Variants in KCNIP4 observed in about 807,000 individuals in gnomAD.
KCNIP4 encodes the protein potassium voltage-gated channel interacting protein 4.
In KCNIP4, 12 loss-of-function variants were observed where a neutral mutation model predicts 34.0. The ratio of observed to expected loss-of-function variants is 0.35; its 90% CI spans 0.23 to 0.57. The LOEUF is 0.57. Among genes scored for constraint, KCNIP4 ranks in the 20% least tolerant of loss-of-function variants. KCNIP4 has a pLI of 0.83. For missense variants in KCNIP4, 238 were observed against 311.7 expected (o/e 0.76, Z 1.78); for synonymous variants, 124 against 102.2 (o/e 1.21, Z -1.29).
intron 1 of KCNIP4, among the ~76,000 whole-genome samples, chr4:21,212,535 T>A (rs886554250): frequency 2.0e-5 from 3 of 152,158 alleles, no homozygotes; most frequent in Non-Finnish European, 4.4e-5. Context: ...TCTGTTTGGA[T>A]TGCTACAATG....
chr4:21,657,841 A>ATTT (rs34034617), intron 1 of KCNIP4, among the ~76,000 whole-genome samples: 1 of 145,262 alleles, frequency 6.9e-6, no homozygotes, highest in Non-Finnish European at 1.5e-5. Context: ...TTTAAACATA[A>ATTT]TTTTTTTTTT....
chr4:21,473,176 G>T (rs1730610310), intron 1 of KCNIP4, among the ~76,000 whole-genome samples: 1 of 152,134 alleles, frequency 6.6e-6, no homozygotes, highest in South Asian at 2.1e-4. Flanking sequence ...CTACAATAGG[G>T]CAAATGTTAC....
chr4:20,761,623 A>T (rs1214622087), intron 3 of KCNIP4, among the ~76,000 whole-genome samples: 1 of 152,168 alleles, frequency 6.6e-6, no homozygotes, highest in African/African-American at 2.4e-5. Context: ...TGGGAGTTAA[A>T]AGTTGATGCT....
At chr4:21,149,595 C>T (rs751530184) in intron 1 of KCNIP4, among the ~76,000 whole-genome samples, 12 of 151,886 alleles carry the variant, frequency 7.9e-5, no homozygotes, top group Non-Finnish European at 1.2e-4. Flanking sequence ...TGACATAAGG[C>T]GAGACCAGAA....
chr4:21,263,394 G>A lies in KCNIP4; in HGVS notation c.62-380685C>T, dbSNP rs896325326. Reference sequence around the variant, plus strand: ...AGAATCCAAGAGTGACTGCAAACCCGTGTTCTTAACCTTCATCATGCCACC... The same window carrying A: ...AGAATCCAAGAGTGACTGCAAACCCATGTTCTTAACCTTCATCATGCCACC... On this transcript the variant is annotated intron_variant, in intron 1 of 8. Transcript: ENST00000382152. Among the ~76,000 whole-genome samples, 13 of 152,272 alleles carry A rather than the reference G, an allele frequency of 8.5e-5. No individual in the cohort carries two copies. The South Asian group carries it at 2.5e-3, about 29-fold the overall frequency.
chr4:21,491,136 A>G (rs1050579843), intron 1 of KCNIP4, among the ~76,000 whole-genome samples: 7 of 152,048 alleles, frequency 4.6e-5, no homozygotes, highest in Admixed American at 2.6e-4. Flanking sequence ...CTAGTGACCA[A>G]TCTCCTTTGT....
chr4:21,067,457 G>T (rs1219739847), intron 1 of KCNIP4, among the ~76,000 whole-genome samples: 2 of 152,110 alleles, frequency 1.3e-5, no homozygotes, highest in Non-Finnish European at 2.9e-5. Flanking sequence ...AGGCCCTAGG[G>T]TTCCTGATTC....
chr4:21,740,332 C>A (rs1396077766), intron 1 of KCNIP4, among the ~76,000 whole-genome samples: 1 of 151,866 alleles, frequency 6.6e-6, no homozygotes, highest in African/African-American at 2.4e-5. Flanking sequence ...TTTCAAAGAC[C>A]TACCCTTTCT....
intron 1 of KCNIP4, among the ~76,000 whole-genome samples, chr4:21,356,769 C>T (rs1401241190): frequency 6.6e-6 from 1 of 151,978 alleles, no homozygotes; most frequent in Non-Finnish European, 1.5e-5. Context: ...TCAATGCCAT[C>T]CCCATCAAGC....
chr4:20,835,757 C>A lies in KCNIP4; in HGVS notation c.288+14786G>T, dbSNP rs562177745. Among the ~76,000 whole-genome samples, 89 of 151,986 alleles carry A rather than the reference C, an allele frequency of 5.9e-4. 4 individuals carry two copies. Among genetic ancestry groups the A allele is most frequent in the Admixed American group, 5.4e-3 (82 of 15,252 alleles). ...TTTTGATTACTAATTCTTAACACCC[C>A]CCAATCTCACTCAACAATTTCCCCC... On this transcript the variant is annotated intron_variant, in intron 3 of 8. Coordinates refer to ENST00000382152, the MANE Select transcript of KCNIP4 (RefSeq NM_025221.6).
At chr4:21,061,979 C>G (rs1000894223) in intron 1 of KCNIP4, among the ~76,000 whole-genome samples, 61 of 152,254 alleles carry the variant, frequency 4.0e-4, no homozygotes, top group African/African-American at 1.4e-3. Context: ...CAGAAGAAAT[C>G]TATCTTGTTC....
chr4:21,320,630 T>C (rs1714274461), intron 1 of KCNIP4, among the ~76,000 whole-genome samples: 1 of 152,142 alleles, frequency 6.6e-6, no homozygotes, highest in African/African-American at 2.4e-5. Context: ...CCCTGTGAGC[T>C]TTGCTTGCCT....
intron 1 of KCNIP4, among the ~76,000 whole-genome samples, chr4:21,308,517 G>T (rs1712744285): frequency 6.6e-6 from 1 of 152,184 alleles, no homozygotes; most frequent in African/African-American, 2.4e-5. Flanking sequence ...CAGTGGGGCT[G>T]ATAGCTGCTT....
At chr4:21,618,191 C>T (rs1365327632) in intron 1 of KCNIP4, among the ~76,000 whole-genome samples, 1 of 152,146 alleles carries the variant, frequency 6.6e-6, no homozygotes, top group Admixed American at 6.5e-5. Context: ...ATTTTTGATG[C>T]TCCTAGTCTG....
At chr4:21,272,129 G>T (rs1762187249) in intron 1 of KCNIP4, among the ~76,000 whole-genome samples, 1 of 152,048 alleles carries the variant, frequency 6.6e-6, no homozygotes, top group South Asian at 2.1e-4. Context: ...TGGACTGCTG[G>T]GTTCCATTCA....
At chr4:21,515,352 C>G (rs11735162) in intron 1 of KCNIP4, among the ~76,000 whole-genome samples, 11,211 of 152,180 alleles carry the variant, frequency 0.074, 586 homozygotes, top group Non-Finnish European at 0.11. Context: ...GAAGTAGGAA[C>G]TTTAGGCTGA....
chr4:21,023,452 T>C (rs1484844759), intron 1 of KCNIP4, among the ~76,000 whole-genome samples: 1 of 152,126 alleles, frequency 6.6e-6, no homozygotes, highest in East Asian at 1.9e-4. Flanking sequence ...CCAAAATATA[T>C]AAAGAATTTC....
At chr4:21,756,878 C>A (rs1717566286) in intron 1 of KCNIP4, among the ~76,000 whole-genome samples, 1 of 151,894 alleles carries the variant, frequency 6.6e-6, no homozygotes, top group African/African-American at 2.4e-5. Context: ...AGGCAGATCT[C>A]TTGAGGACAG....
chr4:20,982,983 T>C (rs755988002), intron 1 of KCNIP4, among the ~76,000 whole-genome samples: 6 of 152,258 alleles, frequency 3.9e-5, no homozygotes, highest in Admixed American at 6.5e-5. Context: ...TGATATCAAA[T>C]GATTTAGGTT....
Sources: allele counts gnomAD v4.1 joint callset (sites outside exome capture counted in the v4.1 genomes callset), GRCh38; gene constraint gnomAD v4.1.1; transcripts MANE v1.5; gene names NCBI Gene and HGNC (gene_info 2026-07-23, HGNC 2026-07-21).